The following RAB5A variants were observed in gnomAD, a reference collection of about 807,000 sequenced individuals.
RAB5A encodes the protein RAB5A, member RAS oncogene family, also known as ras-related protein Rab-5A.
A neutral mutation model predicts 25.7 loss-of-function variants in RAB5A; 8 were observed. That is an observed-to-expected ratio of 0.31 (90% CI 0.18 to 0.56). The LOEUF is 0.56. Among genes scored for constraint, RAB5A ranks in the 20% least tolerant of loss-of-function variants. RAB5A has a pLI of 0.91. For missense variants in RAB5A, 192 were observed against 259.7 expected (o/e 0.74, Z 1.79); for synonymous variants, 98 against 89.8 (o/e 1.09, Z -0.52).
chr3:19,979,705 A>AT (rs147665665), intron 5 of RAB5A, among the ~76,000 whole-genome samples: 74 of 149,436 alleles, frequency 5.0e-4, no homozygotes, highest in African/African-American at 1.4e-3. Flanking sequence ...TTGGTTTTGG[A>AT]TTTTTTTTTT....
At chr3:19,973,337 A>G (rs1390445361) in intron 2 of RAB5A, among the ~76,000 whole-genome samples, 1 of 151,716 alleles carries the variant, frequency 6.6e-6, no homozygotes, top group African/African-American at 2.4e-5. Flanking sequence ...CTTTGTGATC[A>G]TAGTATGTCT....
At chr3:19,953,660 G>C (rs191230049) in intron 2 of RAB5A, among the ~76,000 whole-genome samples, 69 of 152,126 alleles carry the variant, frequency 4.5e-4, no homozygotes, top group Middle Eastern at 3.4e-3. Context: ...TGCCTACCTC[G>C]GGCTCTCCAA....
chr3:19,979,528 G>A (rs1333717371), intron 5 of RAB5A, among the ~76,000 whole-genome samples: 8 of 151,578 alleles, frequency 5.3e-5, no homozygotes, highest in African/African-American at 1.7e-4. Flanking sequence ...CTTGTGATCC[G>A]CCCACGTCAG....
intron 2 of RAB5A, among the ~76,000 whole-genome samples, chr3:19,969,030 G>GTTTTTTTTTTTTTTTTTT (rs202101955): frequency 8.9e-6 from 1 of 112,150 alleles, no homozygotes; most frequent in Admixed American, 8.6e-5. Flanking sequence ...TTTTGGTTTT[G>GTTTTTTTTTTTTTTTTTT]GTTTTTTTTT....
chr3:19,967,888 C>G (rs1328931847), intron 2 of RAB5A, among the ~76,000 whole-genome samples: 1 of 152,210 alleles, frequency 6.6e-6, no homozygotes, highest in Non-Finnish European at 1.5e-5. Context: ...CACACACTTT[C>G]ATAGGAAATA....
At chr3:19,954,644 C>G (rs1430268226) in intron 2 of RAB5A, among the ~76,000 whole-genome samples, 1 of 152,020 alleles carries the variant, frequency 6.6e-6, no homozygotes, top group Non-Finnish European at 1.5e-5. Flanking sequence ...ATAGCAAAAC[C>G]CCGTCTTTAC....
intron 5 of RAB5A, among the ~76,000 whole-genome samples, chr3:19,981,006 T>G (rs1212391185): frequency 6.6e-6 from 1 of 152,170 alleles, no homozygotes; most frequent in African/African-American, 2.4e-5. Context: ...AATTTCTGAG[T>G]AACCTGAGTC....
chr3:19,966,252 A>G (rs1484232853), intron 2 of RAB5A, among the ~76,000 whole-genome samples: 1 of 151,848 alleles, frequency 6.6e-6, no homozygotes, highest in Non-Finnish European at 1.5e-5. Flanking sequence ...GACTCTGACT[A>G]CTCTAGCTAC....
At position 19,977,039 on chromosome 3, in the gene RAB5A, A is replaced by G. The variant is rs535267807; in HGVS notation, c.438+870A>G. Among the ~76,000 whole-genome samples, 3 of 152,138 alleles carry G rather than the reference A, an allele frequency of 2.0e-5. No individual in the cohort carries two copies. In the South Asian group the frequency reaches 6.2e-4, roughly 32 times the overall value. On this transcript the variant is annotated intron_variant, in intron 4 of 5. Transcript: ENST00000273047. ...TGCTGCTGCAAAATAGGCAAGTGCA[A>G]TCACTTAAAAACAAAGCAAGTCCTC...
intron 2 of RAB5A, among the ~76,000 whole-genome samples, chr3:19,954,458 A>T (rs919093216): frequency 5.3e-5 from 8 of 152,238 alleles, no homozygotes; most frequent in Non-Finnish European, 1.0e-4. Context: ...TTCTGGATTC[A>T]TTAAGAATAT....
chr3:19,984,742 A>G lies in RAB5A; in HGVS notation c.*919A>G, dbSNP rs1697000415. On this transcript the variant is annotated 3_prime_UTR_variant, in exon 6 of 6. Transcript: ENST00000273047. ...TAGGGTACTGCATTGTAGTCTCCATATCTGTATTACTTTTCTGTAATATTT... is the reference window on the plus strand; with the variant it reads ...TAGGGTACTGCATTGTAGTCTCCATGTCTGTATTACTTTTCTGTAATATTT... 1 of 153,158 alleles carries G rather than the reference A, an allele frequency of 6.5e-6. No individual in the cohort carries two copies. Among genetic ancestry groups the G allele is most frequent in the African/African-American group, 2.4e-5 (1 of 41,428 alleles). 9.5% of individuals were successfully genotyped at this position (153,158 alleles called of 1,614,324 possible). A position where few individuals can be genotyped will look rare whatever the true frequency, so the allele number is the denominator to read the frequency against.
chr3:19,973,659 A>G (rs987916321), intron 2 of RAB5A, among the ~76,000 whole-genome samples: 1 of 152,202 alleles, frequency 6.6e-6, no homozygotes, highest in African/African-American at 2.4e-5. Context: ...TTTGAACTGG[A>G]TTAGAATATA....
chr3:19,970,460 C>T, intron 2 of RAB5A: 1 of 422,200 alleles, frequency 2.4e-6, no homozygotes, highest in South Asian at 1.7e-5. Context: ...AGGAGCTGAT[C>T]ACGTAGCTCA....
chr3:19,982,974 A>G (rs1006188698), intron 5 of RAB5A, among the ~76,000 whole-genome samples: 1 of 152,168 alleles, frequency 6.6e-6, no homozygotes, highest in Non-Finnish European at 1.5e-5. Context: ...GAACGCTGAT[A>G]TGAGCTGAGC....
In RAB5A at chr3:19,984,290, CT is replaced by C. The variant is rs1210804489; in HGVS notation, c.*468del. On this transcript the variant is annotated 3_prime_UTR_variant, in exon 6 of 6. Transcript: ENST00000273047. ...GTATTCAGGCAAATGTTCATTTCTC[CT>C]GGTACCTGTATTTAAAATGTACATT... The C allele has an allele frequency of 2.3e-6, 1 of 429,728 alleles. No individual in the cohort carries two copies. Among genetic ancestry groups the C allele is most frequent in the Non-Finnish European group, 4.6e-6 (1 of 219,338 alleles). 26.6% of individuals were successfully genotyped at this position (429,728 alleles called of 1,614,324 possible). A position where few individuals can be genotyped will look rare whatever the true frequency, so the allele number is the denominator to read the frequency against.
chr3:19,957,569 A>G (rs62241286), intron 2 of RAB5A, among the ~76,000 whole-genome samples: 28,832 of 151,602 alleles, frequency 0.19, 3,045 homozygotes, highest in Non-Finnish European at 0.24. Context: ...AGGCTGAGGC[A>G]TGAGTATTGC....
At chr3:19,964,606 A>G (rs969619440) in intron 2 of RAB5A, among the ~76,000 whole-genome samples, 1 of 152,166 alleles carries the variant, frequency 6.6e-6, no homozygotes, top group Admixed American at 6.6e-5. Context: ...AATACTAACA[A>G]ACTCCTAAGA....
chr3:19,977,295 C>G (rs1013715940), intron 4 of RAB5A, among the ~76,000 whole-genome samples: 1 of 152,052 alleles, frequency 6.6e-6, no homozygotes, highest in Non-Finnish European at 1.5e-5. Flanking sequence ...AGGGTGGTCT[C>G]GATCTCCTGA....
intron 2 of RAB5A, among the ~76,000 whole-genome samples, chr3:19,961,866 T>C (rs927833785): frequency 6.6e-6 from 1 of 152,214 alleles, no homozygotes; most frequent in Non-Finnish European, 1.5e-5. Context: ...AATACACTTT[T>C]TATTTTTCAC....
Sources: allele counts gnomAD v4.1 joint callset (sites outside exome capture counted in the v4.1 genomes callset), GRCh38; gene constraint gnomAD v4.1.1; transcripts MANE v1.5; gene names NCBI Gene and HGNC (gene_info 2026-07-23, HGNC 2026-07-21).